Variants in CHRNA7 observed in about 807,000 individuals in gnomAD.
CHRNA7 encodes cholinergic receptor nicotinic alpha 7 subunit.
In CHRNA7, 17 loss-of-function variants were observed where a neutral mutation model predicts 48.0. That is an observed-to-expected ratio of 0.35 (90% CI 0.24 to 0.53). The LOEUF is 0.53. Ranked by LOEUF, CHRNA7 falls within the 20% of genes least tolerant of loss-of-function variation. The pLI, the probability that CHRNA7 is intolerant of heterozygous loss-of-function variation, is 0.92. For missense variants in CHRNA7, 155 were observed against 577.7 expected (o/e 0.27, Z 7.50); for synonymous variants, 75 against 242.3 (o/e 0.31, Z 6.41).
chr15:32,049,480 T>C (rs1416846528), intron 2 of CHRNA7, among the ~76,000 whole-genome samples: 1 of 152,210 alleles, frequency 6.6e-6, no homozygotes, highest in Non-Finnish European at 1.5e-5. Flanking sequence ...CCTGCCCTTT[T>C]TTGTTTTCCA....
At chr15:32,041,567 G>T (rs1243384997) in intron 2 of CHRNA7, among the ~76,000 whole-genome samples, 1 of 152,220 alleles carries the variant, frequency 6.6e-6, no homozygotes, top group East Asian at 1.9e-4. Context: ...CAGGTGACAG[G>T]TACTGGCCTG....
At chr15:32,150,576 AG>A (rs1217945938) in intron 4 of CHRNA7, among the ~76,000 whole-genome samples, 19 of 152,346 alleles carry the variant, frequency 1.2e-4, no homozygotes, top group Admixed American at 1.2e-3. Flanking sequence ...CCATGCAAAA[AG>A]GAGTTAAACA....
At chr15:32,045,996 A>T (rs1416140991) in intron 2 of CHRNA7, among the ~76,000 whole-genome samples, 4 of 149,762 alleles carry the variant, frequency 2.7e-5, no homozygotes, top group African/African-American at 2.5e-5. Flanking sequence ...AAGGACATGA[A>T]CTCATCATTT....
At chr15:32,110,695 ATGT>A (rs1422639938) in intron 3 of CHRNA7, among the ~76,000 whole-genome samples, 1 of 152,024 alleles carries the variant, frequency 6.6e-6, no homozygotes, top group Admixed American at 6.6e-5. Flanking sequence ...CCCTCCTTTG[ATGT>A]TGTTTTCGTA....
chr15:32,050,573 T>G (rs1022481594), intron 2 of CHRNA7, among the ~76,000 whole-genome samples: 2 of 152,184 alleles, frequency 1.3e-5, no homozygotes, highest in Non-Finnish European at 2.9e-5. Context: ...GTTTTCAACT[T>G]CTTTGCCTTT....
At chr15:32,044,598 T>C (rs2141175570) in intron 2 of CHRNA7, among the ~76,000 whole-genome samples, 1 of 152,318 alleles carries the variant, frequency 6.6e-6, no homozygotes, top group East Asian at 1.9e-4. Context: ...TAGATATGGC[T>C]TCTGCTCTAT....
chr15:32,030,844 G>C (rs986989893), intron 1 of CHRNA7, 54 bp from the exon 2 acceptor site: 5 of 1,587,558 alleles, frequency 3.1e-6, no homozygotes, highest in African/African-American at 2.7e-5. Flanking sequence ...AGGGAGTCGG[G>C]GGTACCCCCG....
At position 32,112,785 on chromosome 15, in the gene CHRNA7, A is replaced by G. The variant is rs147681144; in HGVS notation, c.350+886A>G. Among the ~76,000 whole-genome samples, 6 of 152,292 alleles carry G rather than the reference A, an allele frequency of 3.9e-5. No homozygotes were observed. In the East Asian group the frequency reaches 7.7e-4, roughly 20 times the overall value. On this transcript the variant is annotated intron_variant, in intron 4 of 9. Transcript: ENST00000306901. ...CTGGACAAGCAATGTGTTGTCCTAC[A>G]TGGCTACTTCCAGAAGGCTGGGCGA... is the stretch of plus-strand genomic sequence containing the variant.
At chr15:32,039,648 A>C (rs183647226) in intron 2 of CHRNA7, among the ~76,000 whole-genome samples, 1 of 152,138 alleles carries the variant, frequency 6.6e-6, no homozygotes. Flanking sequence ...TATTCTTTTA[A>C]ATTTGTTAAG....
chr15:32,030,823 A>G, intron 1 of CHRNA7, 75 bp from the exon 2 acceptor site: 2 of 1,541,602 alleles, frequency 1.3e-6, no homozygotes, highest in South Asian at 1.2e-5. Flanking sequence ...GCGGCGGGGG[A>G]CGCCGGCAGG....
rs1308242120 is a variant in CHRNA7 at position 32,040,654 on chromosome 15, A to C, written c.195+9617A>C. Reference sequence around the variant, plus strand: ...ATATATGTATATATTATATATACACAAAGTATAATAAAATACATTTTTGCT... The same window carrying C: ...ATATATGTATATATTATATATACACCAAGTATAATAAAATACATTTTTGCT... On this transcript the variant is annotated intron_variant, in intron 2 of 9. Coordinates refer to ENST00000306901, the MANE Select transcript of CHRNA7 (RefSeq NM_000746.6). Among the ~76,000 whole-genome samples, 12 of 151,696 alleles carry C rather than the reference A, an allele frequency of 7.9e-5. No homozygotes were observed. In the East Asian group the frequency reaches 2.3e-3, roughly 29 times the overall value.
At chr15:32,120,105 A>G (rs2050942004) in intron 4 of CHRNA7, among the ~76,000 whole-genome samples, 1 of 152,130 alleles carries the variant, frequency 6.6e-6, no homozygotes, top group African/African-American at 2.4e-5. Context: ...TCTGGACTTT[A>G]TGAAGTCTGT....
intron 4 of CHRNA7, among the ~76,000 whole-genome samples, chr15:32,134,156 T>G (rs1180805297): frequency 3.3e-5 from 5 of 151,800 alleles, no homozygotes; most frequent in East Asian, 1.9e-4. Context: ...GTGGGTTTTT[T>G]TGTGTGTTTT....
chr15:32,046,404 T>A (rs971743961), intron 2 of CHRNA7, among the ~76,000 whole-genome samples: 1 of 148,410 alleles, frequency 6.7e-6, no homozygotes, highest in Non-Finnish European at 1.5e-5. Context: ...TTGATTTGCA[T>A]TTCTCTGATG....
chr15:32,117,030 G>T (rs1372291458), intron 4 of CHRNA7, among the ~76,000 whole-genome samples: 1 of 152,152 alleles, frequency 6.6e-6, no homozygotes, highest in Non-Finnish European at 1.5e-5. Flanking sequence ...CATCATTGTT[G>T]CCAAGCGTCT....
At chr15:32,047,519 T>A in intron 2 of CHRNA7, among the ~76,000 whole-genome samples, 1 of 152,322 alleles carries the variant, frequency 6.6e-6, no homozygotes, top group African/African-American at 2.4e-5. Flanking sequence ...GTACATTGAT[T>A]TTGTATCTTG....
intron 4 of CHRNA7, among the ~76,000 whole-genome samples, chr15:32,136,106 A>G (rs1164601539): frequency 6.6e-6 from 1 of 152,214 alleles, no homozygotes; most frequent in Admixed American, 6.5e-5. Context: ...ACTAGGCATG[A>G]GAAGCAGTGA....
At chr15:32,092,603 T>G (rs1219557481) in intron 2 of CHRNA7, among the ~76,000 whole-genome samples, 1 of 152,262 alleles carries the variant, frequency 6.6e-6, no homozygotes, top group Non-Finnish European at 1.5e-5. Context: ...AGAGATGCAT[T>G]ATTTTTATGT....
chr15:32,121,733 C>T (rs566788879), intron 4 of CHRNA7, among the ~76,000 whole-genome samples: 20 of 152,230 alleles, frequency 1.3e-4, no homozygotes, highest in Middle Eastern at 3.4e-3. Context: ...TGCCTTTTTT[C>T]ACTTTTAAGA....
Sources: allele counts gnomAD v4.1 joint callset (sites outside exome capture counted in the v4.1 genomes callset), GRCh38; gene constraint gnomAD v4.1.1; transcripts MANE v1.5; gene names NCBI Gene and HGNC (gene_info 2026-07-23, HGNC 2026-07-21).